The following PCSK5 variants were observed in gnomAD, a reference collection of about 807,000 sequenced individuals.
PCSK5 encodes prohormone convertase 5.
Under a neutral mutation model 233.2 loss-of-function variants are expected in PCSK5, and 129 were observed. That is an observed-to-expected ratio of 0.55 (90% CI 0.48 to 0.64). The LOEUF is 0.64. Among genes scored for constraint, PCSK5 ranks in the 30% least tolerant of loss-of-function variants. The pLI is 0.00. For missense variants in PCSK5, 2,076 were observed against 2,430.1 expected (o/e 0.85, Z 3.06); for synonymous variants, 825 against 879.2 (o/e 0.94, Z 1.09).
chr9:76,070,845 G>GGTT (rs1311282776), intron 6 of PCSK5, among the ~76,000 whole-genome samples: 6 of 151,994 alleles, frequency 3.9e-5, no homozygotes, highest in African/African-American at 1.4e-4. Flanking sequence ...CTGATGACAA[G>GGTT]GTTTTCCTAA....
chr9:76,103,086 G>C (rs1831830434), intron 8 of PCSK5, among the ~76,000 whole-genome samples: 1 of 152,166 alleles, frequency 6.6e-6, no homozygotes, highest in African/African-American at 2.4e-5. Flanking sequence ...TTTTACACTA[G>C]TCTTTGTGAC....
At chr9:76,162,878 C>T (rs968010257) in intron 12 of PCSK5, among the ~76,000 whole-genome samples, 1 of 152,166 alleles carries the variant, frequency 6.6e-6, no homozygotes, top group Non-Finnish European at 1.5e-5. Flanking sequence ...ACTAGCCTGG[C>T]AGCCAACGTG....
intron 25 of PCSK5, among the ~76,000 whole-genome samples, chr9:76,293,972 G>A (rs1828356896): frequency 6.6e-6 from 1 of 152,168 alleles, no homozygotes; most frequent in African/African-American, 2.4e-5. Context: ...CAAGGTGGGT[G>A]GATCACCTGA....
intron 24 of PCSK5, among the ~76,000 whole-genome samples, chr9:76,279,229 A>C (rs1026877930): frequency 6.6e-6 from 1 of 150,786 alleles, no homozygotes; most frequent in Non-Finnish European, 1.5e-5. Flanking sequence ...ATGTCCCTAC[A>C]TAGGACATGA....
At chr9:76,322,560 A>C (rs1403687979) in intron 31 of PCSK5, among the ~76,000 whole-genome samples, 1 of 152,224 alleles carries the variant, frequency 6.6e-6, no homozygotes, top group East Asian at 1.9e-4. Context: ...GAAAATGAAC[A>C]CAAAAAAAAT....
chr9:76,079,789 T>TA (rs1270249914), intron 7 of PCSK5, among the ~76,000 whole-genome samples: 3 of 152,214 alleles, frequency 2.0e-5, no homozygotes, highest in Admixed American at 1.3e-4. Context: ...CAGTGCCTTG[T>TA]TGGCTGTGAG....
intron 9 of PCSK5, among the ~76,000 whole-genome samples, chr9:76,113,852 T>A (rs1466785710): frequency 6.6e-6 from 1 of 152,166 alleles, no homozygotes; most frequent in Admixed American, 6.5e-5. Flanking sequence ...CTCTATGAGA[T>A]GCTGCAGTGG....
chr9:76,321,508 G>C lies in PCSK5; in HGVS notation c.3971G>C (p.Cys1324Ser), dbSNP rs1259418318. ...GGAAACGCCACCAACTGCCATTCTT[G>C]TGAAGGAGGCCACGTCCTGCACCAC... ...CEGNATNCHS[C>S]EGGHVLHHGV... is the part of the protein sequence containing the mutation. The change falls in exon 31 of 38, where the codon TGT (cysteine) becomes TCT (serine). Residue 1324 changes from cysteine (C) to serine (S), a missense_variant. Around this residue, in one of 6 missense-constraint regions of PCSK5, gnomAD observed 1,510 missense variants for 1,538.1 expected, o/e 0.98. Transcript: ENST00000674117. 6.2e-7 allele frequency: 1 copy of C among 1,612,570 alleles called. No homozygotes were observed. The highest frequency in any genetic ancestry group is 8.5e-7 in the Non-Finnish European group (1 of 1,179,616).
intron 24 of PCSK5, among the ~76,000 whole-genome samples, chr9:76,256,791 G>A (rs1485784931): frequency 6.6e-6 from 1 of 152,208 alleles, no homozygotes; most frequent in Admixed American, 6.5e-5. Context: ...GGAAAATTGA[G>A]TCAGAAATCT....
chr9:75,946,419 G>A (rs557622983), intron 2 of PCSK5, among the ~76,000 whole-genome samples: 2 of 152,142 alleles, frequency 1.3e-5, no homozygotes, highest in African/African-American at 2.4e-5. Flanking sequence ...GTAAAATCAC[G>A]GAGCAGATGA....
intron 7 of PCSK5, among the ~76,000 whole-genome samples, chr9:76,078,613 T>C (rs765128906): frequency 3.3e-5 from 5 of 152,208 alleles, no homozygotes; most frequent in African/African-American, 1.2e-4. Context: ...TGGTTGACTT[T>C]GTTGAAAATC....
intron 2 of PCSK5, among the ~76,000 whole-genome samples, chr9:75,954,900 G>A (rs1357151453): frequency 2.0e-5 from 3 of 152,164 alleles, no homozygotes; most frequent in Non-Finnish European, 2.9e-5. Flanking sequence ...TCTCTGAAAT[G>A]CTATCTATTT....
Position 76,139,596 on chromosome 9 carries a change from T to C in PCSK5, c.1312+5384T>C, listed in dbSNP as rs544570288. The stretch of plus-strand genomic sequence containing the variant: ...AAAAGACAGAGGGAAGTAAATACAT[T>C]TGATTCCACCTAATAAAATGTGCCC... On this transcript the variant is annotated intron_variant, in intron 10 of 37. Coordinates refer to ENST00000674117, the MANE Select transcript of PCSK5 (RefSeq NM_001372043.1). Among the ~76,000 whole-genome samples the C allele has an allele frequency of 1.1e-4, 16 of 152,156 alleles. No individual in the cohort carries two copies. In the South Asian group the frequency reaches 3.3e-3, roughly 32 times the overall value.
At chr9:76,222,009 C>T (rs1236642368) in intron 20 of PCSK5, among the ~76,000 whole-genome samples, 1 of 152,198 alleles carries the variant, frequency 6.6e-6, no homozygotes, top group African/African-American at 2.4e-5. Context: ...CCTCCAGACA[C>T]CTCCAGGGTA....
chr9:75,922,717 A>G (rs1823307942), intron 1 of PCSK5, among the ~76,000 whole-genome samples: 1 of 152,198 alleles, frequency 6.6e-6, no homozygotes, highest in Non-Finnish European at 1.5e-5. Context: ...AATCTTATGA[A>G]GATGTTTTCC....
At chr9:76,109,586 G>A (rs1393680756) in intron 9 of PCSK5, among the ~76,000 whole-genome samples, 7 of 135,332 alleles carry the variant, frequency 5.2e-5, no homozygotes, top group African/African-American at 1.4e-4. Flanking sequence ...TCTCTTTTGC[G>A]TTTTGAGCAT....
intron 4 of PCSK5, among the ~76,000 whole-genome samples, chr9:76,025,729 T>C (rs1828396436): frequency 2.0e-5 from 3 of 152,180 alleles, no homozygotes. Flanking sequence ...CCTTATACTC[T>C]TGTATCTTTC....
chr9:76,317,433 A>AT (rs1378234975), intron 30 of PCSK5, among the ~76,000 whole-genome samples: 1 of 152,212 alleles, frequency 6.6e-6, no homozygotes, highest in Non-Finnish European at 1.5e-5. Flanking sequence ...CACTCAATAT[A>AT]TTTTTGTTTA....
intron 12 of PCSK5, among the ~76,000 whole-genome samples, chr9:76,166,409 C>T (rs898022263): frequency 1.1e-4 from 17 of 151,996 alleles, no homozygotes; most frequent in Non-Finnish European, 2.1e-4. Flanking sequence ...TTTTTGTGCC[C>T]GATGTGATTT....
Sources: allele counts gnomAD v4.1 joint callset (sites outside exome capture counted in the v4.1 genomes callset), GRCh38; gene constraint gnomAD v4.1.1; regional missense constraint gnomAD v4.1.1; transcripts MANE v1.5; gene names NCBI Gene and HGNC (gene_info 2026-07-23, HGNC 2026-07-21).